Variants in NIM1K observed in about 807,000 individuals in gnomAD.
The protein encoded by NIM1K is NIM1 serine/threonine protein kinase, also known as serine/threonine-protein kinase NIM1.
A neutral mutation model predicts 37.1 loss-of-function variants in NIM1K; 35 were observed. The observed-to-expected ratio is 0.94, with a 90% CI of 0.72 to 1.25. The LOEUF is 1.25. Ranked by LOEUF, NIM1K falls within the 50% of genes most tolerant of loss-of-function variation. The pLI, the probability that NIM1K is intolerant of heterozygous loss-of-function variation, is 0.00. For missense variants in NIM1K, 564 were observed against 548.0 expected (o/e 1.03, Z -0.29); for synonymous variants, 234 against 206.6 (o/e 1.13, Z -1.14).
At chr5:43,196,713 T>G (rs1270639635) in intron 1 of NIM1K, among the ~76,000 whole-genome samples, 3 of 152,268 alleles carry the variant, frequency 2.0e-5, no homozygotes, top group Non-Finnish European at 2.9e-5. Flanking sequence ...GCAATCATTT[T>G]GAACTCTTGG....
In NIM1K at chr5:43,280,672, AG is replaced by A; in HGVS notation, c.1257del (p.Ser420ProfsTer7). On this transcript the variant is annotated frameshift_variant, in exon 4 of 4. Coordinates refer to ENST00000326035, the MANE Select transcript of NIM1K (RefSeq NM_153361.4). LOFTEE classifies it high-confidence loss of function. ...PDPKERDLKK[G>X]SRVYRGIRHT... ...ACCCTAAAGAAAGAGACCTCAAAAA[AG>A]GGTCCCGTGTCTACAGAGGGATAAG... is the stretch of plus-strand genomic sequence containing the variant. The A allele has an allele frequency of 6.2e-7, 1 of 1,613,578 alleles. No homozygotes were observed. Among genetic ancestry groups the A allele is most frequent in the Non-Finnish European group, 8.5e-7 (1 of 1,179,898 alleles).
At chr5:43,266,932 C>T (rs1753171576) in intron 2 of NIM1K, among the ~76,000 whole-genome samples, 1 of 152,076 alleles carries the variant, frequency 6.6e-6, no homozygotes, top group African/African-American at 2.4e-5. Context: ...ATGTCATTTC[C>T]TGGGTTTGAC....
In NIM1K at chr5:43,198,171, CTT is replaced by C. The variant is rs1287893334; in HGVS notation, c.-695+5762_-695+5763del. 9.3e-4 allele frequency among the ~76,000 whole-genome samples: 52 copies of C among 56,062 alleles called. No homozygotes were observed. The South Asian group carries it at 9.7e-3, about 10-fold the overall frequency. 36.8% of individuals were successfully genotyped at this position (56,062 alleles called of 152,430 possible). A position where few individuals can be genotyped will look rare whatever the true frequency, so the allele number is the denominator to read the frequency against. On this transcript the variant is annotated intron_variant, in intron 1 of 3. Transcript: ENST00000326035. ...TCTTTCTTTCTTTCTTTCTTTCTTT[CTT>C]TCTTTCTTTCTTTCTTTCTTTCTTT...
At position 43,214,813 on chromosome 5, in the gene NIM1K, CA is replaced by C. The variant is rs369233525; in HGVS notation, c.-695+22420del. Among the ~76,000 whole-genome samples the C allele has an allele frequency of 4.7e-3, 338 of 71,728 alleles. 1 individual carries two copies. The highest frequency in any genetic ancestry group is 0.015 in the African/African-American group (266 of 18,106). The allele number at this position is 71,728 out of a possible 152,430, so 47.1% of individuals were successfully genotyped here. The stretch of plus-strand genomic sequence containing the variant: ...CCTGGGCTAGAGCAAGACTCCGTCT[CA>C]AAAAAAAAAAAAAAAAACAAAAAAG... On this transcript the variant is annotated intron_variant, in intron 1 of 3. Transcript: ENST00000326035.
chr5:43,236,297 C>CA (rs1447239084), intron 1 of NIM1K, among the ~76,000 whole-genome samples: 1 of 151,110 alleles, frequency 6.6e-6, no homozygotes, highest in Non-Finnish European at 1.5e-5. Flanking sequence ...TAAAAACCAC[C>CA]AAAAAAACAT....
intron 1 of NIM1K, among the ~76,000 whole-genome samples, chr5:43,201,779 T>G (rs989835950): frequency 6.6e-6 from 1 of 151,856 alleles, no homozygotes; most frequent in African/African-American, 2.4e-5. Context: ...GCCAACATGG[T>G]GAAACCCCGT....
At chr5:43,246,789 G>T (rs572549795) in intron 2 of NIM1K, among the ~76,000 whole-genome samples, 107 of 152,282 alleles carry the variant, frequency 7.0e-4, no homozygotes, top group Non-Finnish European at 1.0e-3. Context: ...CATATGGAGA[G>T]CCCAGCACCC....
At chr5:43,263,410 G>A (rs1343348988) in intron 2 of NIM1K, among the ~76,000 whole-genome samples, 1 of 152,092 alleles carries the variant, frequency 6.6e-6, no homozygotes, top group East Asian at 1.9e-4. Flanking sequence ...GGTATTTATA[G>A]TTTTCTCTGA....
intron 2 of NIM1K, among the ~76,000 whole-genome samples, chr5:43,262,384 T>G (rs891706459): frequency 3.3e-5 from 5 of 152,092 alleles, no homozygotes; most frequent in East Asian, 1.9e-4. Flanking sequence ...GTGAATGGGA[T>G]TTCACTCATG....
chr5:43,220,895 GAGA>G (rs1265826774), intron 1 of NIM1K, among the ~76,000 whole-genome samples: 1 of 152,186 alleles, frequency 6.6e-6, no homozygotes, highest in Non-Finnish European at 1.5e-5. Flanking sequence ...GGGGACATGA[GAGA>G]AGAAGGCAGT....
At chr5:43,274,895 G>C (rs536974013) in intron 2 of NIM1K, among the ~76,000 whole-genome samples, 1 of 152,298 alleles carries the variant, frequency 6.6e-6, no homozygotes, top group South Asian at 2.1e-4. Flanking sequence ...AGGTCAAACA[G>C]GTACTTTGGG....
rs184173490 is a variant in NIM1K at position 43,251,612 on chromosome 5, C to T, written c.292+5545C>T. On this transcript the variant is annotated intron_variant, in intron 2 of 3. Transcript: ENST00000326035. ...CCACAGCAGGGAAGTAGGGCCGGGT[C>T]TTAAGATGATATTCTTTTGATCTTC... is the stretch of plus-strand genomic sequence containing the variant. Among the ~76,000 whole-genome samples, 518 of 152,296 alleles carry T rather than the reference C, an allele frequency of 3.4e-3. 3 individuals are homozygous for T. The highest frequency in any genetic ancestry group is 0.012 in the African/African-American group (505 of 41,562).
At chr5:43,237,186 G>A (rs571093372) in intron 1 of NIM1K, among the ~76,000 whole-genome samples, 1 of 152,284 alleles carries the variant, frequency 6.6e-6, no homozygotes, top group Admixed American at 6.5e-5. Flanking sequence ...GGTTGCCTAA[G>A]AGCCTCGCCC....
intron 1 of NIM1K, among the ~76,000 whole-genome samples, chr5:43,214,395 C>T (rs1752267717): frequency 6.6e-6 from 1 of 152,204 alleles, no homozygotes; most frequent in African/African-American, 2.4e-5. Flanking sequence ...AATTTCATTT[C>T]CCTCCTTCCT....
chr5:43,247,358 AG>A (rs1433957139), intron 2 of NIM1K, among the ~76,000 whole-genome samples: 19 of 152,238 alleles, frequency 1.2e-4, no homozygotes, highest in Admixed American at 3.9e-4. Flanking sequence ...CGGTATCATA[AG>A]GATTAATAAG....
rs1751845674 is a variant in NIM1K, at chr5:43,192,330, C to G, written c.-776C>G. ...CACCTCGGGACATCCACACACCGAC[C>G]GCTCCTGCTCCAGAGGCAACAACCC... On this transcript the variant is annotated 5_prime_UTR_variant, in exon 1 of 4. Transcript: ENST00000326035. 1 of 152,432 alleles carries G rather than the reference C, an allele frequency of 6.6e-6. No individual in the cohort carries two copies. Among genetic ancestry groups the G allele is most frequent in the Non-Finnish European group, 1.5e-5 (1 of 68,214 alleles). 9.4% of individuals were successfully genotyped at this position (152,432 alleles called of 1,614,324 possible).
Position 43,254,806 on chromosome 5 carries a change from CA to C in NIM1K, c.292+8741del, listed in dbSNP as rs143147840. Among the ~76,000 whole-genome samples the C allele has an allele frequency of 9.0e-3, 1,372 of 152,294 alleles. 86 individuals are homozygous for C. The East Asian group carries it at 0.16, about 17-fold the overall frequency. Reference sequence around the variant, plus strand: ...CCGTTCAAGAACTTCTGGGCTCAAGCAATCCTCCTGCCTCAGTTTCCTAAGT... The same window carrying C: ...CCGTTCAAGAACTTCTGGGCTCAAGCATCCTCCTGCCTCAGTTTCCTAAGT... On this transcript the variant is annotated intron_variant, in intron 2 of 3. Coordinates refer to ENST00000326035, the MANE Select transcript of NIM1K (RefSeq NM_153361.4).
At chr5:43,216,137 A>G (rs1752296569) in intron 1 of NIM1K, among the ~76,000 whole-genome samples, 1 of 152,086 alleles carries the variant, frequency 6.6e-6, no homozygotes, top group South Asian at 2.1e-4. Context: ...TTGCCATTTT[A>G]TTTCCTGAGT....
chr5:43,264,528 A>T (rs1753090491), intron 2 of NIM1K, among the ~76,000 whole-genome samples: 2 of 152,064 alleles, frequency 1.3e-5, no homozygotes, highest in South Asian at 4.1e-4. Context: ...TGCATGTGAG[A>T]TGGGTCTCCT....
Sources: gnomAD v4.1 joint callset for allele counts (sites outside exome capture counted in the v4.1 genomes callset) on GRCh38, gnomAD v4.1.1 for gene constraint, MANE v1.5 for transcripts, NCBI Gene and HGNC (gene_info 2026-07-23, HGNC 2026-07-21) for gene names.